ARMCX4: variants seen among roughly 807,000 people sequenced by gnomAD.
ARMCX4 encodes armadillo repeat-containing X-linked protein 4.
In ARMCX4, 3 loss-of-function variants were observed where a neutral mutation model predicts 34.7. The ratio of observed to expected loss-of-function variants is 0.09; its 90% CI spans 0.04 to 0.22. The LOEUF (loss-of-function observed/expected upper bound fraction) is 0.22. Among genes scored for constraint, ARMCX4 ranks in the 10% least tolerant of loss-of-function variants. ARMCX4 has a pLI of 1.00. For synonymous variants in ARMCX4, 513 were observed against 632.8 expected (o/e 0.81, Z 2.84); for missense variants, 1,448 against 1,720.8 (o/e 0.84, Z 2.81).
At chrX:101,514,101 A>G (rs1276129895) in intron 11 of ARMCX4, among the ~76,000 whole-genome samples, 6 of 111,310 alleles carry the variant, frequency 5.4e-5, no homozygotes, top group African/African-American at 2.0e-4. Flanking sequence ...GAGAAGCCCA[A>G]AGTGGCCTGG....
chrX:101,421,956 A>G (rs1479835318), intron 2 of ARMCX4, among the ~76,000 whole-genome samples: 1 of 108,355 alleles, frequency 9.2e-6, no homozygotes, highest in Non-Finnish European at 1.9e-5. Context: ...TTTTGTTATT[A>G]CTTAAATCAG....
downstream of ARMCX4, chrX:101,498,143 A>C (rs1193664225): frequency 3.0e-6 from 1 of 328,346 alleles, no homozygotes. Flanking sequence ...TCCCTTCCAC[A>C]GGTGTTGATC....
At chrX:101,481,628 C>T (rs1288745120), upstream of ARMCX4, among the ~76,000 whole-genome samples, 1 of 111,744 alleles carries the variant, frequency 8.9e-6, no homozygotes, top group African/African-American at 3.3e-5. Context: ...TTTTGGAGGA[C>T]AGTTTGGTGG....
rs377318635 is a variant in ARMCX4 at position 101,435,836 on chromosome X, G to A, written n.165-8216G>A. Among the ~76,000 whole-genome samples the A allele has an allele frequency of 3.6e-4, 40 of 110,695 alleles. 1 individual carries two copies. The East Asian group carries it at 9.3e-3, about 26-fold the overall frequency. On this transcript the variant is annotated intron_variant and non_coding_transcript_variant, in intron 2 of 3. Transcript: ENST00000430461. ...AATTTTTGTGTAAGGTGTAAGGAAG[G>A]GATCCAGTTTCAGCTTTCTACATAT...
Position 101,489,917 on chromosome X carries a change from A to T in ARMCX4, c.1328A>T (p.Glu443Val), listed in dbSNP as rs1167962101. The change falls in exon 6 of 6, where the codon GAG becomes GTG. Residue 443 changes from glutamate to valine, a missense_variant. This residue lies in a region of ARMCX4 where 1,343 missense variants were observed against 1,540.7 expected (regional missense o/e 0.87). Coordinates refer to ENST00000423738, the MANE Select transcript of ARMCX4 (RefSeq NM_001256155.3). The stretch of plus-strand genomic sequence containing the variant: ...AACTTGAGGGCCAATTCCCAGGTTG[A>T]GGCCTTGCCTGATGCCAGGGATAAG... Reference protein sequence around the residue: ...KANLRANSQVEALPDARDKSR... With the variant: ...KANLRANSQVVALPDARDKSR... 5.2e-6 allele frequency: 6 copies of T among 1,154,809 alleles called. No individual in the cohort carries two copies. In the African/African-American group the frequency reaches 1.1e-4, roughly 21 times the overall value.
At chrX:101,473,479 C>G in intron 4 of ARMCX4, among the ~76,000 whole-genome samples, 1 of 103,370 alleles carries the variant, frequency 9.7e-6, no homozygotes. Context: ...CTACAGAACT[C>G]TCCACCCCAA....
rs73563058 is a variant in ARMCX4 at position 101,470,621 on chromosome X, C to T, written c.-472-15402C>T. 2.1e-3 allele frequency among the ~76,000 whole-genome samples: 232 copies of T among 111,856 alleles called. 1 individual carries two copies. Among genetic ancestry groups the T allele is most frequent in the African/African-American group, 6.9e-3 (212 of 30,820 alleles). ...GGTGTGAGCTGCCGTGCTGGGCCAG[C>T]GTACTGTTTTTGAGATTTATTCATG... On this transcript the variant is annotated intron_variant and NMD_transcript_variant, in intron 4 of 15. Transcript: ENST00000433011.
rs782735094 is a variant in ARMCX4 at position 101,491,372 on chromosome X, T to C, written c.2783T>C (p.Val928Ala). The C allele has an allele frequency of 5.2e-6, 6 of 1,155,863 alleles. No individual in the cohort carries two copies. The South Asian group carries it at 9.5e-5, about 18-fold the overall frequency. ...RETLPGARNK[V>A]KGNSNAISKA... The stretch of plus-strand genomic sequence containing the variant: ...ACCTTGCCTGGTGCCAGGAATAAGG[T>C]CAAGGGCAATTCCAATGCTATTTCT... The change falls in exon 6 of 6, where the codon GTC becomes GCC. Residue 928 changes from valine (V) to alanine (A), a missense_variant. Physicochemically the swap from Val to Ala is moderately conservative, Grantham distance 64. Around this residue, in one of 2 missense-constraint regions of ARMCX4, gnomAD observed 1,343 missense variants for 1,540.7 expected, o/e 0.87. Transcript: ENST00000423738.
intron 3 of ARMCX4, among the ~76,000 whole-genome samples, chrX:101,445,825 G>C (rs1293811761): frequency 9.0e-6 from 1 of 110,930 alleles, no homozygotes; most frequent in Non-Finnish European, 1.9e-5. Flanking sequence ...GCCTACCCTG[G>C]GGAGGAGAGT....
chrX:101,535,931 T>C (rs1164254811), downstream of ARMCX4, among the ~76,000 whole-genome samples: 2 of 111,501 alleles, frequency 1.8e-5, no homozygotes, highest in Non-Finnish European at 3.8e-5. Flanking sequence ...CTCTGAAATG[T>C]ATTCTACTAT....
intron 4 of ARMCX4, among the ~76,000 whole-genome samples, chrX:101,468,466 A>G (rs971453025): frequency 2.0e-5 from 2 of 102,221 alleles, no homozygotes; most frequent in Non-Finnish European, 4.0e-5. Flanking sequence ...TAATTTTTGT[A>G]TTTTTTTGTG....
At chrX:101,457,929 A>G (rs1556000553) in intron 4 of ARMCX4, among the ~76,000 whole-genome samples, 1 of 109,400 alleles carries the variant, frequency 9.1e-6, no homozygotes, top group African/African-American at 3.3e-5. Context: ...TTTAGTAGAG[A>G]CGGGGTTTCA....
At position 101,434,336 on chromosome X, in the gene ARMCX4, C is replaced by G. The variant is rs922404585; in HGVS notation, n.165-9716C>G. 1.3e-3 allele frequency among the ~76,000 whole-genome samples: 138 copies of G among 108,542 alleles called. 1 individual carries two copies. Among genetic ancestry groups the G allele is most frequent in the African/African-American group, 4.6e-3 (137 of 29,856 alleles). 94.3% of individuals were successfully genotyped at this position (108,542 alleles called of 115,157 possible). ...TGGCATGATCTCTGCTCATTGCAAC[C>G]TCCGCCGCCCAAGCGATTCTCCTGC... On this transcript the variant is annotated intron_variant and non_coding_transcript_variant, in intron 2 of 3. Coordinates refer to the ARMCX4 transcript ENST00000430461.
upstream of ARMCX4, among the ~76,000 whole-genome samples, chrX:101,482,940 G>A (rs1308218849): frequency 1.2e-5 from 1 of 81,482 alleles, no homozygotes; most frequent in Non-Finnish European, 2.2e-5. Context: ...CTGTCAGCCA[G>A]ACTGGAGTGC....
intron 2 of ARMCX4, among the ~76,000 whole-genome samples, chrX:101,430,067 A>G (rs1394941448): frequency 3.6e-5 from 4 of 111,768 alleles, no homozygotes; most frequent in Admixed American, 1.9e-4. Flanking sequence ...CAAATGTTCT[A>G]TATCTTTCCT....
upstream of ARMCX4, among the ~76,000 whole-genome samples, chrX:101,484,805 A>C (rs1933615698): frequency 1.8e-5 from 2 of 112,390 alleles, no homozygotes; most frequent in South Asian, 7.4e-4. Context: ...AAAATAATGT[A>C]AACAAAAGAA....
Position 101,488,587 on chromosome X carries a change from T to G in ARMCX4, c.-3T>G. 8.7e-7 allele frequency: 1 copy of G among 1,155,755 alleles called. No homozygotes were observed. The highest frequency in any genetic ancestry group is 1.1e-6 in the Non-Finnish European group (1 of 872,985). On this transcript the variant is annotated 5_prime_UTR_variant, in exon 6 of 6. It adds an upstream start codon to the 5' untranslated region. Transcript: ENST00000423738. The stretch of plus-strand genomic sequence containing the variant: ...TGTTCGTGCTTTTAGCAGGGGTGAT[T>G]ACATGGGCCGCATTCAGGAAGTGGG...
chrX:101,448,344 T>G (rs782068510), downstream of ARMCX4, among the ~76,000 whole-genome samples: 1 of 112,044 alleles, frequency 8.9e-6, no homozygotes, highest in South Asian at 3.8e-4. Context: ...TTTTCTTTCT[T>G]TTGATTATGT....
rs782532412 is a variant in ARMCX4, at chrX:101,489,698, C to G, written c.1109C>G (p.Ala370Gly). 2.1e-4 allele frequency: 237 copies of G among 1,152,268 alleles called. No individual in the cohort carries two copies. Among genetic ancestry groups the G allele is most frequent in the Non-Finnish European group, 2.6e-4 (225 of 871,707 alleles). 95.0% of individuals were successfully genotyped at this position (1,152,268 alleles called of 1,213,427 possible). A position where few individuals can be genotyped will look rare whatever the true frequency, so the allele number is the denominator to read the frequency against. The change falls in exon 6 of 6, where the codon GCT (alanine) becomes GGT (glycine). Residue 370 changes from alanine (A) to glycine (G), a missense_variant. By Grantham distance (60) the Ala-to-Gly change is moderately conservative. This residue lies in a region of ARMCX4 where 1,343 missense variants were observed against 1,540.7 expected (regional missense o/e 0.87). Coordinates refer to ENST00000423738, the MANE Select transcript of ARMCX4 (RefSeq NM_001256155.3). ...CCTCAGACTGTGGCCAAGAAACAGG[C>G]TGAGGTGACGTCTGGTGCCAGGGTT... The part of the protein sequence containing the change: ...IQPQTVAKKQ[A>G]EVTSGARVDG...
Sources: allele counts gnomAD v4.1 joint callset (sites outside exome capture counted in the v4.1 genomes callset), GRCh38; gene constraint gnomAD v4.1.1; regional missense constraint gnomAD v4.1.1; transcripts MANE v1.5; gene names NCBI Gene and HGNC (gene_info 2026-07-23, HGNC 2026-07-21).